FHIT: variants seen among roughly 807,000 people sequenced by gnomAD.
The protein encoded by FHIT is fragile histidine triad diadenosine triphosphatase.
A neutral mutation model predicts 17.9 loss-of-function variants in FHIT; 19 were observed. That is an observed-to-expected ratio of 1.06 (90% CI 0.74 to 1.56). FHIT has a LOEUF of 1.56. Ranked by LOEUF, FHIT falls within the 40% of genes most tolerant of loss-of-function variation. The pLI, the probability that FHIT is intolerant of heterozygous loss-of-function variation, is 0.00. For missense variants in FHIT, 248 were observed against 189.2 expected (o/e 1.31, Z -1.82); for synonymous variants, 81 against 69.7 (o/e 1.16, Z -0.81).
intron 5 of FHIT, among the ~76,000 whole-genome samples, chr3:60,399,014 T>C (rs1012204641): frequency 1.3e-5 from 2 of 152,204 alleles, no homozygotes; most frequent in Non-Finnish European, 2.9e-5. Context: ...TAATAGACTT[T>C]TTTGAAAGAT....
chr3:60,347,736 G>T (rs1344271479), intron 5 of FHIT, among the ~76,000 whole-genome samples: 1 of 131,344 alleles, frequency 7.6e-6, no homozygotes, highest in Non-Finnish European at 1.6e-5. Context: ...TGTGTTATTT[G>T]CCCCAAACCC....
chr3:60,645,316 C>G (rs905232576), intron 4 of FHIT, among the ~76,000 whole-genome samples: 3 of 152,152 alleles, frequency 2.0e-5, no homozygotes, highest in Admixed American at 1.3e-4. Context: ...AGTTGGCCAG[C>G]CCCTCTTCTC....
chr3:60,849,458 AT>A, intron 3 of FHIT, among the ~76,000 whole-genome samples: 1 of 147,732 alleles, frequency 6.8e-6, no homozygotes, highest in African/African-American at 2.5e-5. Flanking sequence ...ATATATATAT[AT>A]ATATAAAATT....
At position 60,962,338 on chromosome 3, in the gene FHIT, G is replaced by A. The variant is rs529333050; in HGVS notation, c.-111+79709C>T. Among the ~76,000 whole-genome samples, 90 of 152,310 alleles carry A rather than the reference G, an allele frequency of 5.9e-4. 1 individual carries two copies. The highest frequency in any genetic ancestry group is 2.0e-3 in the African/African-American group (85 of 41,578). Reference sequence around the variant, plus strand: ...GCTTAAGGAGATTTTGGGCTGAGATGATGGGGATTTCTAAATGTACAGTCA... The same window carrying A: ...GCTTAAGGAGATTTTGGGCTGAGATAATGGGGATTTCTAAATGTACAGTCA... On this transcript the variant is annotated intron_variant, in intron 3 of 9. Coordinates refer to ENST00000492590, the MANE Select transcript of FHIT (RefSeq NM_002012.4).
intron 4 of FHIT, among the ~76,000 whole-genome samples, chr3:60,681,074 T>C (rs1174074635): frequency 6.6e-6 from 1 of 152,204 alleles, no homozygotes; most frequent in Non-Finnish European, 1.5e-5. Context: ...TTTGTTTCAT[T>C]GCACTTCACA....
intron 2 of FHIT, among the ~76,000 whole-genome samples, chr3:61,077,882 T>C (rs1166230905): frequency 6.6e-6 from 1 of 152,142 alleles, no homozygotes; most frequent in Non-Finnish European, 1.5e-5. Context: ...GAAATAATTA[T>C]TACATTAGTG....
rs1255290705 is a variant in FHIT at position 60,479,659 on chromosome 3, A to G, written c.103+57201T>C. 2.6e-5 allele frequency among the ~76,000 whole-genome samples: 4 copies of G among 152,180 alleles called. No individual in the cohort carries two copies. In the South Asian group the frequency reaches 6.2e-4, roughly 24 times the overall value. ...TGGCCTGTTAGTACAGTGGGAGGTG[A>G]GCAGTGGGTGAGTGAGCATTACTGC... On this transcript the variant is annotated intron_variant, in intron 5 of 9. Coordinates refer to ENST00000492590, the MANE Select transcript of FHIT (RefSeq NM_002012.4).
chr3:60,146,245 C>A (rs1472480015), intron 5 of FHIT, among the ~76,000 whole-genome samples: 1 of 14,008 alleles, frequency 7.1e-5, no homozygotes, highest in Middle Eastern at 0.028. Context: ...ACAATATACT[C>A]ATTTAAAAAA....
At chr3:60,361,969 T>C (rs66969673) in intron 5 of FHIT, among the ~76,000 whole-genome samples, 19,663 of 152,100 alleles carry the variant, frequency 0.13, 1,534 homozygotes, top group Non-Finnish European at 0.18. Flanking sequence ...GTGACACAAG[T>C]CAACTCAAGA....
chr3:60,074,225 G>A (rs1702907232), intron 5 of FHIT, among the ~76,000 whole-genome samples: 1 of 152,052 alleles, frequency 6.6e-6, no homozygotes, highest in African/African-American at 2.4e-5. Context: ...ACTGGGGACA[G>A]TTTGGTACAC....
At chr3:60,050,609 G>A (rs111604616) in intron 5 of FHIT, among the ~76,000 whole-genome samples, 1 of 152,078 alleles carries the variant, frequency 6.6e-6, no homozygotes, top group African/African-American at 2.4e-5. Flanking sequence ...GTATCCTTAT[G>A]CAGTCCACAG....
At chr3:60,457,053 C>T (rs1278496172) in intron 5 of FHIT, among the ~76,000 whole-genome samples, 3 of 152,140 alleles carry the variant, frequency 2.0e-5, no homozygotes, top group Non-Finnish European at 4.4e-5. Context: ...ATACTAAGGA[C>T]TTTCTTCACA....
At chr3:60,729,274 C>T (rs1182838486) in intron 4 of FHIT, among the ~76,000 whole-genome samples, 23 of 152,110 alleles carry the variant, frequency 1.5e-4, no homozygotes, top group African/African-American at 4.1e-4. Flanking sequence ...AAAGTGGATG[C>T]GCCAGTGTGG....
At chr3:60,167,621 G>T (rs999207030) in intron 5 of FHIT, among the ~76,000 whole-genome samples, 6 of 152,210 alleles carry the variant, frequency 3.9e-5, no homozygotes, top group African/African-American at 1.4e-4. Flanking sequence ...TGATATCTGT[G>T]AATGAACTGC....
At chr3:59,952,076 C>G (rs1186634011) in intron 7 of FHIT, among the ~76,000 whole-genome samples, 1 of 152,114 alleles carries the variant, frequency 6.6e-6, no homozygotes, top group African/African-American at 2.4e-5. Context: ...GAGAATGGTC[C>G]CTCCCACAGC....
At chr3:60,038,821 C>A (rs935249587) in intron 5 of FHIT, among the ~76,000 whole-genome samples, 1 of 152,150 alleles carries the variant, frequency 6.6e-6, no homozygotes. Context: ...CAAAACTGAA[C>A]AACAATCAAA....
At chr3:61,011,813 G>C (rs2031806527) in intron 3 of FHIT, among the ~76,000 whole-genome samples, 1 of 152,094 alleles carries the variant, frequency 6.6e-6, no homozygotes. Flanking sequence ...AATGGCGATG[G>C]TGTCTTATTT....
intron 5 of FHIT, among the ~76,000 whole-genome samples, chr3:60,395,909 T>C (rs1043843784): frequency 6.6e-6 from 1 of 152,164 alleles, no homozygotes; most frequent in Admixed American, 6.6e-5. Flanking sequence ...AGTGCTTAGA[T>C]TCCATCCTTA....
chr3:60,930,485 T>A (rs539564069), intron 3 of FHIT, among the ~76,000 whole-genome samples: 40 of 152,114 alleles, frequency 2.6e-4, no homozygotes, highest in Non-Finnish European at 5.1e-4. Context: ...AGGACTAATA[T>A]CCAGAATCTA....
Sources: allele counts gnomAD v4.1 joint callset (sites outside exome capture counted in the v4.1 genomes callset), GRCh38; gene constraint gnomAD v4.1.1; transcripts MANE v1.5; gene names NCBI Gene and HGNC (gene_info 2026-07-23, HGNC 2026-07-21).